Variants in WDR47 observed in about 807,000 individuals in gnomAD.
WDR47 encodes WD repeat domain 47.
In WDR47, 32 loss-of-function variants were observed where a neutral mutation model predicts 97.2. The ratio of observed to expected loss-of-function variants is 0.33; its 90% CI spans 0.25 to 0.44. The LOEUF (loss-of-function observed/expected upper bound fraction) is 0.44, where lower values mean the gene tolerates loss of function less well. Ranked by LOEUF, WDR47 falls within the 20% of genes least tolerant of loss-of-function variation. The pLI is 1.00. For missense variants in WDR47, 782 were observed against 1,102.3 expected (o/e 0.71, Z 4.11); for synonymous variants, 375 against 373.5 (o/e 1.00, Z -0.05).
intron 1 of WDR47, among the ~76,000 whole-genome samples, chr1:109,037,072 G>T (rs1366282311): frequency 6.6e-6 from 1 of 152,214 alleles, no homozygotes; most frequent in Non-Finnish European, 1.5e-5. Context: ...GCTCACGCCT[G>T]TAATCCCAGC....
intron 7 of WDR47, among the ~76,000 whole-genome samples, chr1:109,000,719 C>A (rs1174720744): frequency 1.3e-5 from 2 of 151,660 alleles, no homozygotes; most frequent in East Asian, 1.9e-4. Context: ...ACAAAAAAAA[C>A]CACTCCCTTT....
chr1:108,997,998 C>G (rs1415486177), intron 7 of WDR47, among the ~76,000 whole-genome samples: 1 of 151,776 alleles, frequency 6.6e-6, no homozygotes, highest in Admixed American at 6.6e-5. Context: ...AAAAATACTT[C>G]CAAAAAAGCA....
At chr1:109,016,173 C>A (rs1212857034) in intron 3 of WDR47, among the ~76,000 whole-genome samples, 2 of 151,884 alleles carry the variant, frequency 1.3e-5, no homozygotes, top group East Asian at 3.9e-4. Flanking sequence ...GAGGCCAAGG[C>A]AAGAGGATTA....
At chr1:109,030,900 C>T (rs557794584) in intron 1 of WDR47, among the ~76,000 whole-genome samples, 1 of 139,052 alleles carries the variant, frequency 7.2e-6, no homozygotes, top group South Asian at 2.3e-4. Context: ...AAGTCACTAA[C>T]CTCTATGGGC....
intron 6 of WDR47, among the ~76,000 whole-genome samples, chr1:109,004,264 CA>C (rs748279464): frequency 9.5e-4 from 105 of 111,010 alleles, no homozygotes; most frequent in Middle Eastern, 4.5e-3. Flanking sequence ...GACTCCGTCT[CA>C]AAAAAAAAAA....
At chr1:109,002,108 T>C (rs1375842850) in intron 7 of WDR47, 116 bp downstream of exon 7, 2 of 1,218,428 alleles carry the variant, frequency 1.6e-6, no homozygotes, top group Admixed American at 5.2e-5. Flanking sequence ...TCCACATTAC[T>C]TCAAATGCGT....
At position 109,011,988 on chromosome 1, in the gene WDR47, C is replaced by A. The variant is rs554421856; in HGVS notation, c.328-270G>T. 5.9e-5 allele frequency among the ~76,000 whole-genome samples: 9 copies of A among 152,208 alleles called. No homozygotes were observed. In the South Asian group the frequency reaches 1.9e-3, roughly 32 times the overall value. On this transcript the variant is annotated intron_variant, in intron 4 of 14. Coordinates refer to ENST00000369962, the MANE Select transcript of WDR47 (RefSeq NM_001142551.2). ...AGACAGGATCTCACTCTGCTGCCCA[C>A]GCTGGAGTGCAGGGGTTATTCATAC...
intron 1 of WDR47, among the ~76,000 whole-genome samples, chr1:109,029,518 G>A (rs1216962914): frequency 6.6e-6 from 1 of 151,770 alleles, no homozygotes; most frequent in Non-Finnish European, 1.5e-5. Context: ...AAATTAGCCG[G>A]GCGTGGTGGT....
rs1212647105 is a variant in WDR47, at chr1:109,023,319, A to G, written c.158+36T>C. The G allele has an allele frequency of 3.8e-6, 6 of 1,588,226 alleles. No homozygotes were observed. The Admixed American group carries it at 5.5e-5, about 15-fold the overall frequency. On this transcript the variant is annotated intron_variant, in intron 2 of 14. Transcript: ENST00000369962. ...TTATTAATACTTAACATTTCTTCGA[A>G]GGAGCTACAAACTTCACAGTATAAT...
Position 109,023,534 on chromosome 1 carries a change from C to A in WDR47, c.-9-13G>T. 1 of 1,605,346 alleles carries A rather than the reference C, an allele frequency of 6.2e-7. No individual in the cohort carries two copies. Among genetic ancestry groups the A allele is most frequent in the Non-Finnish European group, 8.5e-7 (1 of 1,175,380 alleles). The stretch of plus-strand genomic sequence containing the variant: ...TCATATTGATAGCCTAAATATGAAA[C>A]AGAAAAACAATAAAGCTAGTCCTAT... On this transcript the variant is annotated splice_polypyrimidine_tract_variant and intron_variant, in intron 1 of 14. Transcript: ENST00000369962.
intron 1 of WDR47, among the ~76,000 whole-genome samples, chr1:109,037,626 CA>C (rs1334177386): frequency 0.013 from 828 of 61,458 alleles, 2 homozygotes; most frequent in African/African-American, 0.031. Flanking sequence ...GACCTCGTCT[CA>C]AAAAAAAAAA....
chr1:109,005,223 G>A (rs923185486), intron 5 of WDR47, among the ~76,000 whole-genome samples: 7 of 152,002 alleles, frequency 4.6e-5, no homozygotes, highest in African/African-American at 9.7e-5. Flanking sequence ...GTAACATGGT[G>A]AAGCCTAGTT....
chr1:108,978,272 G>A (rs150444441), intron 13 of WDR47, among the ~76,000 whole-genome samples: 2 of 151,452 alleles, frequency 1.3e-5, no homozygotes, highest in East Asian at 1.9e-4. Flanking sequence ...TCAGGAGATC[G>A]AGACCATCCT....
At position 108,974,634 on chromosome 1, in the gene WDR47, GGAT is replaced by G. The variant is rs1657743669; in HGVS notation, c.2516_2518del (p.His839del). On this transcript the variant is annotated inframe_deletion, in exon 14 of 15. Transcript: ENST00000369962. ...AACAGAGCGAACATCACTGGAATGA[GGAT>G]GATAACTTTGTACCATTCTTCCTCC... 1.2e-6 allele frequency: 2 copies of G among 1,614,118 alleles called. No homozygotes were observed. Among genetic ancestry groups the G allele is most frequent in the Non-Finnish European group, 1.7e-6 (2 of 1,180,018 alleles).
At chr1:108,999,466 G>A (rs952698996) in intron 7 of WDR47, among the ~76,000 whole-genome samples, 35 of 151,992 alleles carry the variant, frequency 2.3e-4, no homozygotes, top group Admixed American at 4.6e-4. Context: ...CACTTTAGGA[G>A]GTCGAGGCAG....
At chr1:108,988,079 G>GA (rs112511752) in intron 9 of WDR47, among the ~76,000 whole-genome samples, 263 of 136,890 alleles carry the variant, frequency 1.9e-3, no homozygotes, top group Middle Eastern at 7.2e-3. Flanking sequence ...CTATAAAAAT[G>GA]AAAAAAAAAA....
At chr1:108,991,824 A>T (rs564405570) in intron 8 of WDR47, among the ~76,000 whole-genome samples, 1 of 152,180 alleles carries the variant, frequency 6.6e-6, no homozygotes, top group African/African-American at 2.4e-5. Flanking sequence ...TAAAATTTTT[A>T]TTTAATATTA....
At chr1:108,972,352 C>A (rs766490545) in intron 14 of WDR47, among the ~76,000 whole-genome samples, 6 of 152,082 alleles carry the variant, frequency 3.9e-5, no homozygotes, top group Non-Finnish European at 8.8e-5. Flanking sequence ...TCCTCACTGA[C>A]ATTTATATTT....
chr1:109,040,657 C>T (rs560515651), intron 1 of WDR47, among the ~76,000 whole-genome samples: 1 of 152,258 alleles, frequency 6.6e-6, no homozygotes, highest in East Asian at 1.9e-4. Context: ...TGGAAGCAAT[C>T]TCTCCTAATC....
Sources: allele counts gnomAD v4.1 joint callset (sites outside exome capture counted in the v4.1 genomes callset), GRCh38; gene constraint gnomAD v4.1.1; transcripts MANE v1.5; gene names NCBI Gene and HGNC (gene_info 2026-07-23, HGNC 2026-07-21).